Variants in DLG2 observed in about 807,000 individuals in gnomAD.
DLG2 encodes the protein disks large homolog 2.
A neutral mutation model predicts 132.5 loss-of-function variants in DLG2; 45 were observed. That is an observed-to-expected ratio of 0.34 (90% confidence interval 0.27 to 0.44). The LOEUF is 0.44. DLG2 is among the 20% of genes least tolerant of loss of function. The pLI is 1.00. For missense variants in DLG2, 1,045 were observed against 1,196.9 expected, an observed-to-expected ratio of 0.87 and a Z score of 1.87; for synonymous variants, 424 against 419.6, an observed-to-expected ratio of 1.01 and a Z score of -0.13.
chr11:85,283,033 G>T (rs1448538430), intron 4 of DLG2, among the ~76,000 whole-genome samples: 2 of 151,802 alleles, frequency 1.3e-5, no homozygotes, highest in Non-Finnish European at 2.9e-5. Flanking sequence ...GGGAGCCAAT[G>T]ATGAGAATAC....
chr11:84,060,226 T>A (rs2096569645), intron 10 of DLG2, among the ~76,000 whole-genome samples: 1 of 152,182 alleles, frequency 6.6e-6, no homozygotes, highest in Non-Finnish European at 1.5e-5. Context: ...AAAAGAGAAT[T>A]GCTTGAATCC....
intron 22 of DLG2, among the ~76,000 whole-genome samples, chr11:83,475,317 G>C (rs535462567): frequency 6.6e-6 from 1 of 152,190 alleles, no homozygotes; most frequent in Non-Finnish European, 1.5e-5. Context: ...TCATGTCTTT[G>C]TGGCACTTTG....
chr11:85,359,855 C>T (rs767082330), intron 3 of DLG2, among the ~76,000 whole-genome samples: 2 of 152,048 alleles, frequency 1.3e-5, no homozygotes, highest in Non-Finnish European at 2.9e-5. Context: ...CCCCGTCACA[C>T]ACAAAAGAAA....
At chr11:84,780,435 A>C (rs777597789) in intron 6 of DLG2, among the ~76,000 whole-genome samples, 1 of 152,156 alleles carries the variant, frequency 6.6e-6, no homozygotes, top group Non-Finnish European at 1.5e-5. Flanking sequence ...CTGAATAGGA[A>C]AAAGTTGAAA....
intron 6 of DLG2, among the ~76,000 whole-genome samples, chr11:85,087,422 T>A (rs1203721574): frequency 6.6e-6 from 1 of 152,130 alleles, no homozygotes; most frequent in Non-Finnish European, 1.5e-5. Flanking sequence ...TCCAGGCAAA[T>A]GAGACAGTGA....
chr11:83,709,371 A>T (rs2084858116), intron 18 of DLG2, among the ~76,000 whole-genome samples: 1 of 149,226 alleles, frequency 6.7e-6, no homozygotes, highest in Non-Finnish European at 1.5e-5. Context: ...ACACACACAC[A>T]TATATATATA....
At chr11:84,576,396 G>A (rs910147279) in intron 6 of DLG2, among the ~76,000 whole-genome samples, 1 of 152,150 alleles carries the variant, frequency 6.6e-6, no homozygotes, top group African/African-American at 2.4e-5. Context: ...AGGAAGTCCT[G>A]AAAGCCTGCA....
At chr11:84,312,939 A>G (rs2098304362) in intron 7 of DLG2, among the ~76,000 whole-genome samples, 1 of 151,852 alleles carries the variant, frequency 6.6e-6, no homozygotes, top group Non-Finnish European at 1.5e-5. Context: ...CCTCCCCAGT[A>G]GCTGGGACTA....
Position 83,525,314 on chromosome 11 carries a change from T to C in DLG2, c.2193+7394A>G, listed in dbSNP as rs530950262. On this transcript the variant is annotated intron_variant, in intron 21 of 27. Coordinates refer to ENST00000376104, the MANE Select transcript of DLG2 (RefSeq NM_001142699.3). The stretch of plus-strand genomic sequence containing the variant: ...ACAGTTATCTGTGTGCTGGCTCAGG[T>C]GGTTCTCAGTGGACAAGGGAACTCA... Among the ~76,000 whole-genome samples, 19 of 152,298 alleles carry C rather than the reference T, an allele frequency of 1.2e-4. 1 individual carries two copies. In the South Asian group the frequency reaches 3.9e-3, roughly 32 times the overall value.
chr11:83,794,437 GTTTTTTTT>G (rs200672667), intron 17 of DLG2, among the ~76,000 whole-genome samples: 1 of 127,498 alleles, frequency 7.8e-6, no homozygotes, highest in African/African-American at 2.8e-5. Flanking sequence ...TTTACTATTG[GTTTTTTTT>G]TTTTTTTTTT....
intron 21 of DLG2, among the ~76,000 whole-genome samples, chr11:83,487,750 A>G (rs903328854): frequency 6.6e-6 from 1 of 152,006 alleles, no homozygotes; most frequent in Non-Finnish European, 1.5e-5. Flanking sequence ...AATTTTTGTG[A>G]TAGTCATTCA....
chr11:83,888,669 T>C (rs1480959816), intron 15 of DLG2, among the ~76,000 whole-genome samples: 2 of 152,142 alleles, frequency 1.3e-5, no homozygotes, highest in African/African-American at 2.4e-5. Context: ...AGAACAAAGC[T>C]GGAGGCATCA....
At chr11:85,054,352 T>C (rs879910319) in intron 6 of DLG2, among the ~76,000 whole-genome samples, 6 of 151,936 alleles carry the variant, frequency 3.9e-5, no homozygotes, top group Non-Finnish European at 8.8e-5. Context: ...ATGGCTATTA[T>C]TAAAAAGTCA....
chr11:83,526,827 G>A (rs2095621317), intron 21 of DLG2, among the ~76,000 whole-genome samples: 2 of 151,638 alleles, frequency 1.3e-5, no homozygotes, highest in African/African-American at 4.8e-5. Flanking sequence ...ATCCTTCAAC[G>A]CCCCCTAATT....
chr11:85,133,574 C>G (rs1202285493), intron 5 of DLG2, among the ~76,000 whole-genome samples: 1 of 152,180 alleles, frequency 6.6e-6, no homozygotes, highest in East Asian at 1.9e-4. Flanking sequence ...TACATTTCTC[C>G]TTTTTTGTGT....
At chr11:85,324,426 T>G (rs1314779685) in intron 3 of DLG2, among the ~76,000 whole-genome samples, 1 of 152,192 alleles carries the variant, frequency 6.6e-6, no homozygotes, top group Non-Finnish European at 1.5e-5. Flanking sequence ...TATGTTGAGT[T>G]GAATTTAACA....
chr11:84,423,865 A>G (rs1480224628), intron 7 of DLG2, among the ~76,000 whole-genome samples: 1 of 152,212 alleles, frequency 6.6e-6, no homozygotes, highest in African/African-American at 2.4e-5. Flanking sequence ...TCATAAATGC[A>G]ACAGTAAGCC....
intron 5 of DLG2, among the ~76,000 whole-genome samples, chr11:85,134,623 G>T (rs1358936639): frequency 6.8e-6 from 1 of 146,288 alleles, no homozygotes; most frequent in Admixed American, 6.8e-5. Flanking sequence ...TACTTTTCAT[G>T]AATTATTGAG....
intron 6 of DLG2, among the ~76,000 whole-genome samples, chr11:84,711,107 A>T (rs1180438577): frequency 6.6e-6 from 1 of 150,676 alleles, no homozygotes; most frequent in Non-Finnish European, 1.5e-5. Flanking sequence ...TGTCTCTGGA[A>T]GTATAATCTG....
Sources: gnomAD v4.1 joint callset for allele counts (sites outside exome capture counted in the v4.1 genomes callset) on GRCh38, gnomAD v4.1.1 for gene constraint, MANE v1.5 for transcripts, NCBI Gene and HGNC (gene_info 2026-07-23, HGNC 2026-07-21) for gene names.